Variants in DYNC2LI1 observed in about 807,000 individuals in gnomAD.
DYNC2LI1 encodes the protein cytoplasmic dynein 2 light intermediate chain 1.
In DYNC2LI1, 45 loss-of-function variants were observed where a neutral mutation model predicts 51.9. The ratio of observed to expected loss-of-function variants is 0.87; its 90% CI spans 0.68 to 1.11. The LOEUF is 1.11. DYNC2LI1 is among the 50% of genes most tolerant of loss of function. DYNC2LI1 has a pLI of 0.00. For synonymous variants in DYNC2LI1, 130 were observed against 137.8 expected (o/e 0.94, Z 0.40); for missense variants, 490 against 417.4 (o/e 1.17, Z -1.51).
chr2:43,783,564 A>G lies in DYNC2LI1; in HGVS notation c.161+10A>G, dbSNP rs991883140. 5.3e-6 allele frequency: 8 copies of G among 1,508,580 alleles called. No homozygotes were observed. Among genetic ancestry groups the G allele is most frequent in the Non-Finnish European group, 7.1e-6 (8 of 1,127,542 alleles). The allele number at this position is 1,508,580 out of a possible 1,614,324, so 93.4% of individuals were successfully genotyped here. On this transcript the variant is annotated intron_variant, in intron 3 of 12. Coordinates refer to ENST00000260605, the MANE Select transcript of DYNC2LI1 (RefSeq NM_016008.4). Reference sequence around the variant, plus strand: ...TAAGGTGTCTTGACAGGTAAGTGTTATGTTAACCTTTAAACTATATTTATG... The same window carrying G: ...TAAGGTGTCTTGACAGGTAAGTGTTGTGTTAACCTTTAAACTATATTTATG...
chr2:43,828,328 T>C, the DYNC2LI1 span: 2 of 674,804 alleles, frequency 3.0e-6, no homozygotes, highest in Non-Finnish European at 2.5e-6. Flanking sequence ...AAATAAATAA[T>C]ATGAATTTTT....
At chr2:43,822,216 C>T in the DYNC2LI1 span, among the ~76,000 whole-genome samples, 5 of 152,296 alleles carry the variant, frequency 3.3e-5, no homozygotes, top group South Asian at 8.3e-4. Context: ...CCCCATGACT[C>T]TACCGAAGCT....
chr2:43,785,952 A>G (rs1265584761), intron 3 of DYNC2LI1, among the ~76,000 whole-genome samples: 3 of 152,096 alleles, frequency 2.0e-5, no homozygotes, highest in Admixed American at 1.3e-4. Flanking sequence ...AATAGGTAAG[A>G]TAAATTCTAT....
In DYNC2LI1 at chr2:43,774,101, C is replaced by T. The variant is rs777880404; in HGVS notation, c.-38C>T. 6 of 1,613,262 alleles carry T rather than the reference C, an allele frequency of 3.7e-6. No individual in the cohort carries two copies. Among genetic ancestry groups the T allele is most frequent in the South Asian group, 2.2e-5 (2 of 90,884 alleles). On this transcript the variant is annotated 5_prime_UTR_variant, in exon 1 of 13. Coordinates refer to ENST00000260605, the MANE Select transcript of DYNC2LI1 (RefSeq NM_016008.4). ...GCCTGATTCTAGGCTGGTCACTACTCCGAGCCTGTGACGTTTGCGGCAGCC... is the reference window on the plus strand; with the variant it reads ...GCCTGATTCTAGGCTGGTCACTACTTCGAGCCTGTGACGTTTGCGGCAGCC...
downstream of DYNC2LI1, chr2:43,810,043 G>C (rs142143732): frequency 7.7e-5 from 63 of 815,908 alleles, no homozygotes; most frequent in East Asian, 3.4e-3. Context: ...AATTCAGCAT[G>C]TATAAGTTTC....
At chr2:43,792,890 A>G (rs1673857628) in intron 5 of DYNC2LI1, 3 of 1,306,330 alleles carry the variant, frequency 2.3e-6, no homozygotes, top group South Asian at 3.5e-5. Flanking sequence ...CAGTTCAGTT[A>G]TCCGTTAATC....
chr2:43,791,594 G>A (rs962314479), intron 5 of DYNC2LI1, among the ~76,000 whole-genome samples: 1 of 152,174 alleles, frequency 6.6e-6, no homozygotes, highest in African/African-American at 2.4e-5. Context: ...AAAGTAGGTT[G>A]CTGGGTGGTT....
the DYNC2LI1 span, chr2:43,822,684 A>C: frequency 6.4e-7 from 1 of 1,573,284 alleles, no homozygotes; most frequent in Non-Finnish European, 8.6e-7. Context: ...TGATGGGCAA[A>C]GTGTAGATCC....
chr2:43,822,579 A>G, the DYNC2LI1 span: 2 of 984,054 alleles, frequency 2.0e-6, no homozygotes, highest in Non-Finnish European at 2.4e-6. Context: ...GGCACATGTC[A>G]TCTTGTTGGT....
At chr2:43,801,871 G>A (rs960659022) in intron 10 of DYNC2LI1, among the ~76,000 whole-genome samples, 162 bp downstream of exon 10, 5 of 152,032 alleles carry the variant, frequency 3.3e-5, no homozygotes, top group African/African-American at 7.2e-5. Context: ...AATGTAACAT[G>A]CATCACATTG....
chr2:43,814,328 A>T (rs1666679633), downstream of DYNC2LI1: 3 of 627,218 alleles, frequency 4.8e-6, no homozygotes, highest in Non-Finnish European at 8.4e-6. Flanking sequence ...CATCTTAAAA[A>T]TCAGAGAAAA....
chr2:43,825,055 A>T, the DYNC2LI1 span: 1 of 1,609,448 alleles, frequency 6.2e-7, no homozygotes, highest in Non-Finnish European at 8.5e-7. Flanking sequence ...GTGTGATCAC[A>T]AGGGTAGCGA....
chr2:43,812,872 G>T, downstream of DYNC2LI1: 1 of 523,870 alleles, frequency 1.9e-6, no homozygotes. Context: ...ACATTCTTGG[G>T]TCCGCTCAGT....
intron 10 of DYNC2LI1, 144 bp from the exon 11 acceptor site, chr2:43,804,498 G>C (rs972611241): frequency 4.1e-5 from 23 of 563,840 alleles, no homozygotes; most frequent in Non-Finnish European, 6.8e-5. Context: ...TGCTGGGTAG[G>C]GTAAATTTTT....
intron 12 of DYNC2LI1, among the ~76,000 whole-genome samples, chr2:43,807,019 G>A (rs565136412): frequency 6.6e-6 from 1 of 152,220 alleles, no homozygotes; most frequent in African/African-American, 2.4e-5. Context: ...ATAATTTTAT[G>A]CTTTAGCTGT....
the DYNC2LI1 span, chr2:43,822,990 G>A: frequency 6.2e-7 from 1 of 1,604,256 alleles, no homozygotes; most frequent in Admixed American, 1.7e-5. Context: ...CTGAAAAAGG[G>A]AGGGCTAGCC....
intron 3 of DYNC2LI1, among the ~76,000 whole-genome samples, chr2:43,785,823 G>A (rs929661125): frequency 2.0e-5 from 3 of 152,048 alleles, no homozygotes; most frequent in African/African-American, 7.2e-5. Context: ...CTAGGGGGAA[G>A]GGAAAATGAG....
chr2:43,796,859 T>C, intron 8 of DYNC2LI1, 64 bp downstream of exon 8: 1 of 1,225,336 alleles, frequency 8.2e-7, no homozygotes, highest in South Asian at 1.2e-5. Context: ...AATCAGCAAC[T>C]TGATGCACAG....
chr2:43,780,186 G>A (rs1342202571), intron 2 of DYNC2LI1, among the ~76,000 whole-genome samples: 2 of 152,206 alleles, frequency 1.3e-5, no homozygotes, highest in Non-Finnish European at 2.9e-5. Flanking sequence ...TAGAGAATGT[G>A]TTGTTTGTAC....
Sources: gnomAD v4.1 joint callset for allele counts (sites outside exome capture counted in the v4.1 genomes callset) on GRCh38, gnomAD v4.1.1 for gene constraint, MANE v1.5 for transcripts, NCBI Gene and HGNC (gene_info 2026-07-23, HGNC 2026-07-21) for gene names.